Variants in MGAT5B observed in about 807,000 individuals in gnomAD.
MGAT5B encodes the protein alpha-1,6-mannosylglycoprotein 6-beta-N-acetylglucosaminyltransferase B.
Under a neutral mutation model 95.1 loss-of-function variants are expected in MGAT5B, and 54 were observed. The observed-to-expected ratio is 0.57, with a 90% CI of 0.46 to 0.71. The LOEUF (loss-of-function observed/expected upper bound fraction) is 0.71, where lower values mean the gene tolerates loss of function less well. MGAT5B is among the 30% of genes least tolerant of loss of function. The pLI is 0.00. For missense variants in MGAT5B, 935 were observed against 1,088.6 expected (o/e 0.86, Z 1.99); for synonymous variants, 464 against 451.0 (o/e 1.03, Z -0.36).
chr17:76,886,093 T>A (rs1288041225), intron 3 of MGAT5B, among the ~76,000 whole-genome samples: 1 of 152,228 alleles, frequency 6.6e-6, no homozygotes, highest in Non-Finnish European at 1.5e-5. Flanking sequence ...GCAGATTTGC[T>A]TCAAATGGCA....
Position 76,882,139 on chromosome 17 carries a change from C to T in MGAT5B, c.182-12C>T, listed in dbSNP as rs1568165335. 6.2e-7 allele frequency: 1 copy of T among 1,603,978 alleles called. No individual in the cohort carries two copies. The highest frequency in any genetic ancestry group is 2.2e-5 in the East Asian group (1 of 44,696). ...CGGGCCTCCCCTAACCATACCCACACTCTGCCCACAGTGATGGGGGGCCCC... is the reference window on the plus strand; with the variant it reads ...CGGGCCTCCCCTAACCATACCCACATTCTGCCCACAGTGATGGGGGGCCCC... On this transcript the variant is annotated splice_polypyrimidine_tract_variant and intron_variant, in intron 2 of 17. Transcript: ENST00000569840.
chr17:76,941,275 T>C (rs1364912153), intron 15 of MGAT5B, among the ~76,000 whole-genome samples: 2 of 152,244 alleles, frequency 1.3e-5, no homozygotes, highest in African/African-American at 4.8e-5. Flanking sequence ...GAGCGTCTGT[T>C]AATGCGGGGC....
In MGAT5B at chr17:76,915,202, A is replaced by G. The variant is rs1330080452; in HGVS notation, c.1025+9015A>G. 1.3e-5 allele frequency among the ~76,000 whole-genome samples: 2 copies of G among 152,068 alleles called. No individual in the cohort carries two copies. On this transcript the variant is annotated intron_variant, in intron 8 of 17. Transcript: ENST00000569840. This position sits in a 1 kb window ranked among gnomAD's most constrained non-coding sequence, Gnocchi z 8.7. ...CCAGAACAGTAGGGAGGTTGTGGAC[A>G]TAGGAGGGAGAGAGTATTGCTGGCA...
intron 8 of MGAT5B, among the ~76,000 whole-genome samples, chr17:76,911,793 TGCC>T (rs1567809294): frequency 6.6e-6 from 1 of 152,146 alleles, no homozygotes; most frequent in Non-Finnish European, 1.5e-5. Flanking sequence ...CTCCTAGAGC[TGCC>T]ATAACAATGG....
At chr17:76,946,109 T>C (rs533758120) in intron 15 of MGAT5B, 3 of 389,996 alleles carry the variant, frequency 7.7e-6, no homozygotes, top group East Asian at 8.9e-5. Context: ...CTCATTGCAG[T>C]TGGGACAGGG....
At chr17:76,887,144 C>T (rs914677875) in intron 3 of MGAT5B, among the ~76,000 whole-genome samples, 2 of 152,184 alleles carry the variant, frequency 1.3e-5, no homozygotes, top group Non-Finnish European at 2.9e-5. Flanking sequence ...AGAATAGGCA[C>T]CTGCTGACCC....
intron 3 of MGAT5B, among the ~76,000 whole-genome samples, chr17:76,884,005 T>A (rs558809471): frequency 6.6e-6 from 1 of 152,358 alleles, no homozygotes; most frequent in African/African-American, 2.4e-5. Flanking sequence ...CCTTGCCGAT[T>A]GAGTGAACGT....
intron 1 of MGAT5B, chr17:76,872,562 A>G: frequency 8.8e-7 from 1 of 1,142,814 alleles, no homozygotes; most frequent in Non-Finnish European, 1.2e-6. Context: ...CTGTTAATGA[A>G]CCAGCTCTGC....
Position 76,870,997 on chromosome 17 carries a change from G to C in MGAT5B, c.69-1854G>C, listed in dbSNP as rs1053946598. Among the ~76,000 whole-genome samples the C allele has an allele frequency of 6.6e-6, 1 of 152,116 alleles. No homozygotes were observed. Among genetic ancestry groups the C allele is most frequent in the Non-Finnish European group, 1.5e-5 (1 of 68,004 alleles). The stretch of plus-strand genomic sequence containing the variant: ...TCTGGCAGAGGGAGATGCAGATGAG[G>C]TGTGTTAGGGGGCTTCAGGTTCTGG... On this transcript the variant is annotated intron_variant, in intron 1 of 17. Coordinates refer to ENST00000569840, the MANE Select transcript of MGAT5B (RefSeq NM_001199172.2). This position sits in a 1 kb window ranked among gnomAD's most constrained non-coding sequence, Gnocchi z 5.0.
At chr17:76,936,751 C>T (rs1969686357) in intron 12 of MGAT5B, among the ~76,000 whole-genome samples, 1 of 152,206 alleles carries the variant, frequency 6.6e-6, no homozygotes, top group African/African-American at 2.4e-5. Context: ...GTTGACCACA[C>T]TGTGTGTGGG....
At chr17:76,946,716 CAA>C (rs1433825198) in intron 16 of MGAT5B, among the ~76,000 whole-genome samples, 1 of 152,260 alleles carries the variant, frequency 6.6e-6, no homozygotes, top group Non-Finnish European at 1.5e-5. Flanking sequence ...AACAGAAACA[CAA>C]AGACTTCCGT....
At chr17:76,943,194 T>A (rs576568885) in intron 15 of MGAT5B, among the ~76,000 whole-genome samples, 57 of 131,152 alleles carry the variant, frequency 4.3e-4, no homozygotes, top group South Asian at 1.2e-3. Flanking sequence ...ATTGCTTTCC[T>A]GTTTGGTTTT....
intron 3 of MGAT5B, among the ~76,000 whole-genome samples, chr17:76,885,645 T>C (rs1967602259): frequency 6.6e-6 from 1 of 152,070 alleles, no homozygotes; most frequent in African/African-American, 2.4e-5. Context: ...TCCTGGGAAA[T>C]AGCAACCATC....
Position 76,905,132 on chromosome 17 carries a change from G to T in MGAT5B, c.691-37G>T, listed in dbSNP as rs1215304212. ...CAGCGGGGAATGATGGTGGCCGCAG[G>T]TTGAGGGGCAGAGAGCTGAGGTCTG... On this transcript the variant is annotated intron_variant, in intron 6 of 17. Transcript: ENST00000569840. This position sits in a 1 kb window ranked among gnomAD's most constrained non-coding sequence, Gnocchi z 4.2. 6.4e-7 allele frequency: 1 copy of T among 1,573,584 alleles called. No homozygotes were observed. Among genetic ancestry groups the T allele is most frequent in the East Asian group, 2.3e-5 (1 of 43,974 alleles).
At chr17:76,904,184 G>C (rs138164770) in intron 5 of MGAT5B, 68 bp from the exon 6 acceptor site, 16 of 1,483,966 alleles carry the variant, frequency 1.1e-5, no homozygotes, top group Non-Finnish European at 1.4e-5. Flanking sequence ...GGGGGTGCAC[G>C]TGCGGGGGAG....
Position 76,924,988 on chromosome 17 carries a change from C to G in MGAT5B, c.1048C>G (p.Arg350Gly). The change falls in exon 9 of 18, where the codon CGG becomes GGG. Residue 350 changes from arginine (R) to glycine (G), a missense_variant. Transcript: ENST00000569840. ...LQSNLGVPPG[R>G]GSCPLTMPLP... is the part of the protein sequence containing the mutation. ...CAGTAACTTAGGGGTACCGCCAGGC[C>G]GGGGAAGCTGCCCGCTCACCATGCC... The G allele has an allele frequency of 6.2e-7, 1 of 1,612,118 alleles. No homozygotes were observed. Among genetic ancestry groups the G allele is most frequent in the Non-Finnish European group, 8.5e-7 (1 of 1,179,520 alleles).
rs865948326 is a variant in MGAT5B at position 76,931,722 on chromosome 17, C to G, written c.1292-923C>G. On this transcript the variant is annotated intron_variant, in intron 10 of 17. Transcript: ENST00000569840. Reference sequence around the variant, plus strand: ...TGTCATTTCAGAGAAAAGACTCTACCAAGAGAGCCACAGGAATGAGGAGGC... The same window carrying G: ...TGTCATTTCAGAGAAAAGACTCTACGAAGAGAGCCACAGGAATGAGGAGGC... Among the ~76,000 whole-genome samples the G allele has an allele frequency of 7.2e-5, 11 of 152,300 alleles. 1 individual carries two copies. In the South Asian group the frequency reaches 8.3e-4, roughly 11 times the overall value.
At chr17:76,919,168 G>A (rs950508090) in intron 8 of MGAT5B, among the ~76,000 whole-genome samples, 1 of 152,130 alleles carries the variant, frequency 6.6e-6, no homozygotes, top group Non-Finnish European at 1.5e-5. Flanking sequence ...CTAGCCGAGG[G>A]TTTCTTCTAT....
chr17:76,918,650 G>T lies in MGAT5B; in HGVS notation c.1026-6316G>T, dbSNP rs1167321202. On this transcript the variant is annotated intron_variant, in intron 8 of 17. Coordinates refer to ENST00000569840, the MANE Select transcript of MGAT5B (RefSeq NM_001199172.2). The surrounding 1 kb of genome is among the most constrained non-coding windows in gnomAD (Gnocchi z 5.1). ...TCTGTCAGGGACCAGACAGTGGCCTGTTGTGGTAATGGGCCATGGCAGGGT... is the reference window on the plus strand; with the variant it reads ...TCTGTCAGGGACCAGACAGTGGCCTTTTGTGGTAATGGGCCATGGCAGGGT... Among the ~76,000 whole-genome samples the T allele has an allele frequency of 6.6e-6, 1 of 152,212 alleles. No individual in the cohort carries two copies. Among genetic ancestry groups the T allele is most frequent in the East Asian group, 1.9e-4 (1 of 5,196 alleles).
Sources: allele counts gnomAD v4.1 joint callset (sites outside exome capture counted in the v4.1 genomes callset), GRCh38; gene constraint gnomAD v4.1.1; non-coding constraint Gnocchi (gnomAD v3.1); transcripts MANE v1.5; gene names NCBI Gene and HGNC (gene_info 2026-07-23, HGNC 2026-07-21).